The following SPART variants were observed in gnomAD, a reference collection of about 807,000 sequenced individuals.
The protein encoded by SPART is spartin, also known as spastic paraplegia 20 (Troyer syndrome).
SPART carries 35 observed loss-of-function variants against 58.7 expected under a neutral mutation model. The observed-to-expected ratio is 0.60, with a 90% confidence interval of 0.46 to 0.79. The LOEUF (loss-of-function observed/expected upper bound fraction) is 0.79. Among genes scored for constraint, SPART ranks in the 30% least tolerant of loss-of-function variants. The pLI is 0.00. For missense variants in SPART, 730 were observed against 786.1 expected, an observed-to-expected ratio of 0.93 and a Z score of 0.85; for synonymous variants, 284 against 280.7, an observed-to-expected ratio of 1.01 and a Z score of -0.12.
chr13:36,358,693 G>A (rs924796208), intron 1 of SPART, among the ~76,000 whole-genome samples: 1 of 152,162 alleles, frequency 6.6e-6, no homozygotes, highest in Non-Finnish European at 1.5e-5. Flanking sequence ...TAGTCACAAG[G>A]TTTGATTATA....
At position 36,312,346 on chromosome 13, in the gene SPART, T is replaced by C. The variant is rs1355487682; in HGVS notation, c.1615A>G (p.Met539Val). The part of the protein sequence containing the change: ...KDGKSPLDGA[M>V]VVAASSVQGF... Reference sequence around the variant, plus strand: ...TGAACACTACTTGCTGCTACAACCATAGCACCATCCAGAGGAGATTTCCCA... The same window carrying C: ...TGAACACTACTTGCTGCTACAACCACAGCACCATCCAGAGGAGATTTCCCA... Residue 539 changes from methionine to valine, a missense_variant, in exon 7 of 9, where the codon ATG becomes GTG. Met to Val is a conservative substitution (Grantham distance 21). Transcript: ENST00000438666. The C allele has an allele frequency of 5.6e-6, 9 of 1,614,010 alleles. No individual in the cohort carries two copies. Among genetic ancestry groups the C allele is most frequent in the Admixed American group, 5.0e-5 (3 of 60,002 alleles).
upstream of SPART, among the ~76,000 whole-genome samples, chr13:36,350,925 T>A (rs116621373): frequency 2.7e-3 from 411 of 152,336 alleles, 3 homozygotes; most frequent in African/African-American, 9.4e-3. Context: ...TTATCTTATA[T>A]CCCTGTAAAT....
upstream of SPART, among the ~76,000 whole-genome samples, chr13:36,347,349 G>A (rs955228657): frequency 6.6e-6 from 1 of 152,122 alleles, no homozygotes; most frequent in Non-Finnish European, 1.5e-5. Flanking sequence ...CTCCAGAGAA[G>A]CTGGAATTAC....
chr13:36,310,593 G>A (rs954396379), intron 8 of SPART, among the ~76,000 whole-genome samples: 7 of 151,990 alleles, frequency 4.6e-5, no homozygotes, highest in African/African-American at 1.5e-4. Context: ...TCCCCCATGC[G>A]GTTGTCTGCA....
chr13:36,306,770 GA>G (rs1880545986), intron 8 of SPART, among the ~76,000 whole-genome samples: 1 of 152,038 alleles, frequency 6.6e-6, no homozygotes, highest in African/African-American at 2.4e-5. Flanking sequence ...AGAATATTCA[GA>G]AAACTAGATT....
intron 2 of SPART, 100 bp from the exon 3 acceptor site, chr13:36,331,696 C>A (rs1290264630): frequency 9.0e-6 from 8 of 884,618 alleles, no homozygotes; most frequent in Non-Finnish European, 1.4e-5. Context: ...AAAATAAACA[C>A]TTCAAAGTTG....
chr13:36,331,455 C>T lies in SPART; in HGVS notation c.952G>A (p.Asp318Asn). ...AGATCCTCAAAGAGCTCTCTATCAT[C>T]CTCTGGTAACTCAGAGGACAGGACG... ...GVVLSSELPE[D>N]DRELFEDLLR... The change falls in exon 3 of 9, where the codon GAT (aspartate) becomes AAT (asparagine). Residue 318 changes from aspartate to asparagine, a missense_variant. Asp to Asn is a conservative substitution (Grantham distance 23). Coordinates refer to ENST00000438666, the MANE Select transcript of SPART (RefSeq NM_015087.5). 6.2e-7 allele frequency: 1 copy of T among 1,614,106 alleles called. No homozygotes were observed. Among genetic ancestry groups the T allele is most frequent in the Non-Finnish European group, 8.5e-7 (1 of 1,180,026 alleles).
At chr13:36,308,684 G>A (rs1376049646) in intron 8 of SPART, among the ~76,000 whole-genome samples, 2 of 147,672 alleles carry the variant, frequency 1.4e-5, no homozygotes, top group Admixed American at 1.4e-4. Context: ...ACCCAACAAA[G>A]CACTTCCTAT....
At chr13:36,345,934 C>A (rs560547975) in intron 1 of SPART, among the ~76,000 whole-genome samples, 2 of 152,112 alleles carry the variant, frequency 1.3e-5, no homozygotes, top group African/African-American at 4.8e-5. Context: ...AGGAATCGAG[C>A]GGGAAGGATT....
At chr13:36,346,921 G>A (rs546487298), upstream of SPART, 22 of 152,376 alleles carry the variant, frequency 1.4e-4, no homozygotes, top group Admixed American at 1.2e-3. Flanking sequence ...TGAGCTTTGT[G>A]ACTTCTGTAT....
intron 1 of SPART, chr13:36,365,806 A>G (rs1278155029): frequency 3.6e-6 from 1 of 276,882 alleles, no homozygotes; most frequent in Non-Finnish European, 7.4e-6. Context: ...TGGACTAAAG[A>G]CCTATCACCT....
chr13:36,341,450 T>C (rs1884580366), intron 1 of SPART, among the ~76,000 whole-genome samples: 1 of 152,224 alleles, frequency 6.6e-6, no homozygotes, highest in South Asian at 2.1e-4. Context: ...TTTTTTGGTA[T>C]GAAGTCTTCA....
intron 1 of SPART, among the ~76,000 whole-genome samples, chr13:36,356,424 TTC>T (rs1295851092): frequency 6.6e-6 from 1 of 152,210 alleles, no homozygotes; most frequent in Non-Finnish European, 1.5e-5. Context: ...TTACAACCTA[TTC>T]TCTCTGAAGT....
At chr13:36,337,599 C>G (rs1884142109) in intron 1 of SPART, among the ~76,000 whole-genome samples, 1 of 152,176 alleles carries the variant, frequency 6.6e-6, no homozygotes, top group South Asian at 2.1e-4. Context: ...CTGTAAGTTT[C>G]CTGAGGCCTC....
chr13:36,329,419 C>G lies in SPART; in HGVS notation c.1107G>C (p.Val369=). 2 of 1,614,144 alleles carry G rather than the reference C, an allele frequency of 1.2e-6. No individual in the cohort carries two copies. The highest frequency in any genetic ancestry group is 2.2e-5 in the East Asian group (1 of 44,860). ...CCTTATTGCCTTGGTCCAACTGTTT[C>G]ACATCAGTGCCAGAGGCTTCTTTTA... is the stretch of plus-strand genomic sequence containing the variant. ...DQLKEASGTD[V]KQLDQGNKDV... is the part of the protein sequence containing the mutation. Residue 369 remains valine (V), a synonymous_variant, in exon 4 of 9, where the codon GTG becomes GTC. Coordinates refer to ENST00000438666, the MANE Select transcript of SPART (RefSeq NM_015087.5).
At chr13:36,336,807 T>G (rs967333026) in intron 1 of SPART, among the ~76,000 whole-genome samples, 4 of 152,140 alleles carry the variant, frequency 2.6e-5, no homozygotes, top group African/African-American at 9.7e-5. Flanking sequence ...ATTCATACAA[T>G]GCAATAATAC....
At chr13:36,319,098 G>A (rs1186747319) in intron 5 of SPART, among the ~76,000 whole-genome samples, 11 of 151,214 alleles carry the variant, frequency 7.3e-5, no homozygotes, top group Middle Eastern at 3.4e-3. Flanking sequence ...GGGTATTGAC[G>A]GCCAGGCTTC....
intron 8 of SPART, 59 bp downstream of exon 8, chr13:36,312,086 A>G: frequency 6.5e-7 from 1 of 1,536,506 alleles, no homozygotes; most frequent in South Asian, 1.1e-5. Flanking sequence ...ACTCCCTCTC[A>G]GAAAAACAAC....
At chr13:36,337,915 A>G (rs1449911219) in intron 1 of SPART, among the ~76,000 whole-genome samples, 1 of 152,210 alleles carries the variant, frequency 6.6e-6, no homozygotes, top group Non-Finnish European at 1.5e-5. Context: ...GGTTGCTAAG[A>G]TCTACCATTA....
Sources: allele counts gnomAD v4.1 joint callset (sites outside exome capture counted in the v4.1 genomes callset), GRCh38; gene constraint gnomAD v4.1.1; transcripts MANE v1.5; gene names NCBI Gene and HGNC (gene_info 2026-07-23, HGNC 2026-07-21).